CSRP1: variants seen among roughly 807,000 people sequenced by gnomAD.
The protein encoded by CSRP1 is cysteine and glycine-rich protein 1.
CSRP1 carries 16 observed loss-of-function variants against 25.4 expected under a neutral mutation model. The observed-to-expected ratio is 0.63, with a 90% CI of 0.43 to 0.96. CSRP1 has a LOEUF of 0.96. Among genes scored for constraint, CSRP1 ranks in the 40% least tolerant of loss-of-function variants. The pLI is 0.00. For missense variants in CSRP1, 212 were observed against 243.6 expected (o/e 0.87, Z 0.86); for synonymous variants, 97 against 95.3 (o/e 1.02, Z -0.10).
intron 2 of CSRP1, among the ~76,000 whole-genome samples, chr1:201,494,825 TGC>T (rs1664454383): frequency 7.1e-6 from 1 of 140,162 alleles, no homozygotes; most frequent in South Asian, 2.6e-4. Flanking sequence ...CTCAGCAGTG[TGC>T]GTGTGTGTGT....
Sources: allele counts gnomAD v4.1 joint callset (sites outside exome capture counted in the v4.1 genomes callset), GRCh38; gene constraint gnomAD v4.1.1; transcripts MANE v1.5; gene names NCBI Gene and HGNC (gene_info 2026-07-23, HGNC 2026-07-21).